Variants in TNS3 observed in about 807,000 individuals in gnomAD.
The protein encoded by TNS3 is tensin 3.
TNS3 carries 45 observed loss-of-function variants against 140.9 expected under a neutral mutation model. The ratio of observed to expected loss-of-function variants is 0.32; its 90% CI spans 0.25 to 0.41. TNS3 has a LOEUF of 0.41. Ranked by LOEUF, TNS3 falls within the 10% of genes least tolerant of loss-of-function variation. The pLI is 1.00. For missense variants in TNS3, 1,716 were observed against 1,906.7 expected (o/e 0.90, Z 1.86); for synonymous variants, 815 against 788.4 (o/e 1.03, Z -0.56).
chr7:47,450,109 C>A (rs114045283), intron 4 of TNS3, among the ~76,000 whole-genome samples: 21 of 152,298 alleles, frequency 1.4e-4, no homozygotes, highest in Admixed American at 9.8e-4. Flanking sequence ...AAGGAAGAAA[C>A]GAACCACTAA....
intron 8 of TNS3, among the ~76,000 whole-genome samples, chr7:47,433,788 T>G (rs1461310593): frequency 1.3e-5 from 2 of 152,190 alleles, no homozygotes; most frequent in Non-Finnish European, 2.9e-5. Flanking sequence ...TCCATCAATA[T>G]CAGGCTCACT....
chr7:47,310,004 A>G (rs951903923), intron 20 of TNS3, among the ~76,000 whole-genome samples: 1 of 152,216 alleles, frequency 6.6e-6, no homozygotes, highest in South Asian at 2.1e-4. Context: ...TTTCCTTCTC[A>G]GACATGGACC....
intron 16 of TNS3, among the ~76,000 whole-genome samples, chr7:47,381,290 C>T (rs1337474533): frequency 6.6e-6 from 1 of 152,180 alleles, no homozygotes; most frequent in Non-Finnish European, 1.5e-5. Flanking sequence ...GTCTTTTGTG[C>T]GGGATGTGGC....
chr7:47,332,156 T>C (rs1326234581), intron 20 of TNS3, among the ~76,000 whole-genome samples: 1 of 152,196 alleles, frequency 6.6e-6, no homozygotes, highest in African/African-American at 2.4e-5. Context: ...AACAGGTGCT[T>C]CAGAGAAAAT....
intron 2 of TNS3, among the ~76,000 whole-genome samples, chr7:47,523,928 G>A (rs1799082816): frequency 6.6e-6 from 1 of 152,224 alleles, no homozygotes. Context: ...GGACTGCTAA[G>A]AGGAGAGCAA....
In TNS3 at chr7:47,337,699, C is replaced by T. The variant is rs562853253; in HGVS notation, c.2650+7056G>A. Among the ~76,000 whole-genome samples, 72 of 152,322 alleles carry T rather than the reference C, an allele frequency of 4.7e-4. No homozygotes were observed. The South Asian group carries it at 0.01, about 22-fold the overall frequency. ...AAAATGCAAATCTGAGCAGTCACCT[C>T]CCCATCCTGAGGTTCAGTAATGACC... On this transcript the variant is annotated intron_variant, in intron 20 of 30. Transcript: ENST00000311160.
At chr7:47,329,123 C>T (rs1788192392) in intron 20 of TNS3, among the ~76,000 whole-genome samples, 1 of 152,198 alleles carries the variant, frequency 6.6e-6, no homozygotes, top group Non-Finnish European at 1.5e-5. Context: ...CTGACTATAA[C>T]CCAGTCCACA....
chr7:47,313,117 A>C (rs1787202345), intron 20 of TNS3, among the ~76,000 whole-genome samples: 1 of 152,148 alleles, frequency 6.6e-6, no homozygotes, highest in African/African-American at 2.4e-5. Context: ...GACTTGCTTC[A>C]TCTGGAGGGA....
chr7:47,477,391 G>C (rs1400185885), intron 4 of TNS3, among the ~76,000 whole-genome samples: 3 of 152,186 alleles, frequency 2.0e-5, no homozygotes, highest in Non-Finnish European at 4.4e-5. Context: ...ACAAGTGCCA[G>C]GTAAACTCCA....
At chr7:47,557,538 G>A (rs924157780) in intron 1 of TNS3, among the ~76,000 whole-genome samples, 12 of 152,196 alleles carry the variant, frequency 7.9e-5, no homozygotes, top group African/African-American at 2.4e-4. Context: ...TCTATCTTAA[G>A]TAACAACCAG....
At chr7:47,388,235 C>T (rs1359768946) in intron 16 of TNS3, among the ~76,000 whole-genome samples, 1 of 152,110 alleles carries the variant, frequency 6.6e-6, no homozygotes, top group Non-Finnish European at 1.5e-5. Context: ...CCAGGGTCTA[C>T]ACACACACAT....
intron 17 of TNS3, among the ~76,000 whole-genome samples, chr7:47,349,745 A>G (rs1419533244): frequency 3.7e-4 from 56 of 152,184 alleles, no homozygotes; most frequent in Admixed American, 3.7e-3. Context: ...AACAGGACAA[A>G]ATGAGACAGG....
intron 16 of TNS3, among the ~76,000 whole-genome samples, chr7:47,384,918 C>T (rs908412262): frequency 6.6e-5 from 10 of 152,336 alleles, no homozygotes; most frequent in East Asian, 1.9e-4. Flanking sequence ...AACAGTGTGG[C>T]GTCCACACAT....
At chr7:47,377,051 C>T (rs115371050) in intron 16 of TNS3, among the ~76,000 whole-genome samples, 54 of 152,142 alleles carry the variant, frequency 3.5e-4, no homozygotes, top group Non-Finnish European at 6.8e-4. Flanking sequence ...GTGCCTGGAC[C>T]ACCACAGGGA....
chr7:47,353,085 C>T (rs1254912804), intron 17 of TNS3, among the ~76,000 whole-genome samples: 2 of 152,190 alleles, frequency 1.3e-5, no homozygotes, highest in Non-Finnish European at 2.9e-5. Flanking sequence ...GCTCACCTCT[C>T]CAGAGAAGGT....
chr7:47,557,285 T>G, intron 1 of TNS3: 1 of 369,848 alleles, frequency 2.7e-6, no homozygotes, highest in East Asian at 7.4e-5. Flanking sequence ...TGCACAGCTT[T>G]GTCAGAGGCT....
chr7:47,284,003 G>A, intron 27 of TNS3, 138 bp from the exon 28 acceptor site: 2 of 700,862 alleles, frequency 2.9e-6, no homozygotes, highest in Non-Finnish European at 4.3e-6. Context: ...GTGCATGTAA[G>A]GCAGATGGCC....
chr7:47,476,775 G>A (rs1306870605), intron 4 of TNS3, among the ~76,000 whole-genome samples: 1 of 152,122 alleles, frequency 6.6e-6, no homozygotes, highest in Non-Finnish European at 1.5e-5. Context: ...TTTTCACACT[G>A]GCTCCCAGGA....
intron 17 of TNS3, among the ~76,000 whole-genome samples, chr7:47,362,437 G>T (rs1790387704): frequency 6.6e-6 from 1 of 152,112 alleles, no homozygotes; most frequent in Non-Finnish European, 1.5e-5. Flanking sequence ...GGTCTCAAAA[G>T]GATCATTTGC....
Sources: gnomAD v4.1 joint callset for allele counts (sites outside exome capture counted in the v4.1 genomes callset) on GRCh38, gnomAD v4.1.1 for gene constraint, MANE v1.5 for transcripts, NCBI Gene and HGNC (gene_info 2026-07-23, HGNC 2026-07-21) for gene names.